CNTNAP2: variants seen among roughly 807,000 people sequenced by gnomAD.
CNTNAP2 encodes contactin associated protein 2.
A neutral mutation model predicts 155.2 loss-of-function variants in CNTNAP2; 98 were observed. The ratio of observed to expected loss-of-function variants is 0.63; its 90% confidence interval spans 0.54 to 0.75. CNTNAP2 has a LOEUF of 0.75. Among genes scored for constraint, CNTNAP2 ranks in the 30% least tolerant of loss-of-function variants. The pLI, the probability that CNTNAP2 is intolerant of heterozygous loss-of-function variation, is 0.00. For synonymous variants in CNTNAP2, 651 were observed against 631.2 expected (o/e 1.03, Z -0.47); for missense variants, 1,727 against 1,688.1 (o/e 1.02, Z -0.40).
At chr7:148,190,467 G>T (rs533330294) in intron 18 of CNTNAP2, 1 of 152,304 alleles carries the variant, frequency 6.6e-6, no homozygotes, top group East Asian at 1.9e-4. Flanking sequence ...TTTTCCAAAA[G>T]AACTTACTCT....
chr7:146,597,180 A>G (rs1240010773), intron 1 of CNTNAP2, among the ~76,000 whole-genome samples: 2 of 152,200 alleles, frequency 1.3e-5, no homozygotes, highest in African/African-American at 4.8e-5. Flanking sequence ...CTGGTCTTTT[A>G]TCATCATTAT....
chr7:147,611,716 T>C (rs898364138), intron 12 of CNTNAP2, among the ~76,000 whole-genome samples: 18 of 152,290 alleles, frequency 1.2e-4, no homozygotes, highest in Admixed American at 3.9e-4. Flanking sequence ...ATTTCCTCAG[T>C]GTTCCCTACA....
At chr7:147,422,529 A>T (rs139104142) in intron 10 of CNTNAP2, among the ~76,000 whole-genome samples, 2 of 152,080 alleles carry the variant, frequency 1.3e-5, no homozygotes, top group African/African-American at 4.8e-5. Flanking sequence ...AAATAAGCCT[A>T]TGCCTCATTC....
At chr7:146,724,561 CTTTTT>C (rs1000613503) in intron 1 of CNTNAP2, among the ~76,000 whole-genome samples, 10 of 65,622 alleles carry the variant, frequency 1.5e-4, no homozygotes, top group African/African-American at 4.8e-4. Context: ...TAAATCTAAA[CTTTTT>C]TTTTTTTTTT....
Position 148,218,936 on chromosome 7 carries a change from C to CTTTTTTT in CNTNAP2, c.3247+1430_3247+1436dup, listed in dbSNP as rs746349465. On this transcript the variant is annotated intron_variant, in intron 19 of 23. Transcript: ENST00000361727. Reference sequence around the variant, plus strand: ...TATACCTTAGAATTCTAAGATCACTCTTTTTTTTTTTTTTTTTTTTTTTTG... The same window carrying CTTTTTTT: ...TATACCTTAGAATTCTAAGATCACTCTTTTTTTTTTTTTTTTTTTTTTTTTTTTTTTG... 5.0e-4 allele frequency among the ~76,000 whole-genome samples: 37 copies of CTTTTTTT among 73,640 alleles called. 1 individual carries two copies. The highest frequency in any genetic ancestry group is 1.1e-3 in the African/African-American group (19 of 17,260). 48.3% of individuals were successfully genotyped at this position (73,640 alleles called of 152,430 possible).
intron 8 of CNTNAP2, among the ~76,000 whole-genome samples, chr7:147,257,632 C>T (rs141833751): frequency 6.6e-6 from 1 of 152,194 alleles, no homozygotes; most frequent in African/African-American, 2.4e-5. Context: ...TGGTATTTCT[C>T]CAATTCAAGT....
At chr7:148,369,284 C>T (rs1333684824) in intron 21 of CNTNAP2, among the ~76,000 whole-genome samples, 4 of 148,834 alleles carry the variant, frequency 2.7e-5, no homozygotes, top group East Asian at 2.0e-4. Flanking sequence ...CTGCAACCTC[C>T]GCCTCCCAGG....
chr7:147,812,893 A>C (rs1206085477), intron 13 of CNTNAP2, among the ~76,000 whole-genome samples: 2 of 152,166 alleles, frequency 1.3e-5, no homozygotes, highest in Non-Finnish European at 2.9e-5. Context: ...ATATATTAAT[A>C]ATACACACAT....
At chr7:146,760,855 C>G (rs1006442260) in intron 1 of CNTNAP2, among the ~76,000 whole-genome samples, 1 of 152,058 alleles carries the variant, frequency 6.6e-6, no homozygotes, top group African/African-American at 2.4e-5. Context: ...TATAACTACA[C>G]TCAATGAAGG....
At position 147,395,740 on chromosome 7, in the gene CNTNAP2, T is replaced by C. The variant is rs1796802004; in HGVS notation, c.1630T>C (p.Phe544Leu). ...YEVAQRKPGS[F>L]ANVSIDMCAI... ...AGTGGCACAAAGGAAGCCGGGAAGT[T>C]TCGCGAATGTCAGCATTGACATGTG... The change falls in exon 10 of 24, where the codon TTC (phenylalanine) becomes CTC (leucine). Residue 544 changes from phenylalanine to leucine, a missense_variant. Phe to Leu is a conservative substitution (Grantham distance 22). Transcript: ENST00000361727. The C allele has an allele frequency of 6.2e-7, 1 of 1,612,374 alleles. No individual in the cohort carries two copies. The highest frequency in any genetic ancestry group is 8.5e-7 in the Non-Finnish European group (1 of 1,178,838).
intron 3 of CNTNAP2, among the ~76,000 whole-genome samples, chr7:146,925,384 G>A (rs915220743): frequency 6.6e-6 from 1 of 151,834 alleles, no homozygotes; most frequent in African/African-American, 2.4e-5. Context: ...AGAAGAGCAA[G>A]GTGACAAAAA....
intron 1 of CNTNAP2, among the ~76,000 whole-genome samples, chr7:146,127,037 A>G (rs192970177): frequency 6.6e-6 from 1 of 152,266 alleles, no homozygotes; most frequent in Admixed American, 6.5e-5. Flanking sequence ...ATAGTACTGC[A>G]TTTCTCTAGT....
chr7:146,132,881 A>G (rs866271781), intron 1 of CNTNAP2, among the ~76,000 whole-genome samples: 1 of 149,144 alleles, frequency 6.7e-6, no homozygotes, highest in African/African-American at 2.5e-5. Context: ...ATACATGTGC[A>G]TGTGTCTTTA....
chr7:146,545,703 A>G (rs905761161), intron 1 of CNTNAP2, among the ~76,000 whole-genome samples: 1 of 151,970 alleles, frequency 6.6e-6, no homozygotes, highest in Non-Finnish European at 1.5e-5. Context: ...AAGGATGTGG[A>G]GAAATAGGAA....
At chr7:146,508,350 A>G (rs1240234131) in intron 1 of CNTNAP2, among the ~76,000 whole-genome samples, 1 of 152,224 alleles carries the variant, frequency 6.6e-6, no homozygotes, top group Non-Finnish European at 1.5e-5. Context: ...TGTGAAAAAT[A>G]TCTACCCTGG....
At chr7:146,138,895 A>G (rs1797836016) in intron 1 of CNTNAP2, among the ~76,000 whole-genome samples, 1 of 152,150 alleles carries the variant, frequency 6.6e-6, no homozygotes, top group South Asian at 2.1e-4. Context: ...ACATAACCAC[A>G]AACACTTATC....
At chr7:146,213,349 C>A (rs1799064947) in intron 1 of CNTNAP2, among the ~76,000 whole-genome samples, 1 of 152,126 alleles carries the variant, frequency 6.6e-6, no homozygotes, top group South Asian at 2.1e-4. Context: ...TGGTCTTCTG[C>A]AGCTGAGTTA....
intron 1 of CNTNAP2, among the ~76,000 whole-genome samples, chr7:146,284,421 C>T (rs1033115103): frequency 6.6e-6 from 1 of 151,214 alleles, no homozygotes; most frequent in Non-Finnish European, 1.5e-5. Flanking sequence ...TGCTGTTTTC[C>T]CCACTATATA....
chr7:147,676,031 A>AT (rs1795861007), intron 13 of CNTNAP2, among the ~76,000 whole-genome samples: 1 of 152,086 alleles, frequency 6.6e-6, no homozygotes, highest in South Asian at 2.1e-4. Flanking sequence ...TTGCCAATAA[A>AT]TGGCCATTGT....
Sources: allele counts gnomAD v4.1 joint callset (sites outside exome capture counted in the v4.1 genomes callset), GRCh38; gene constraint gnomAD v4.1.1; transcripts MANE v1.5; gene names NCBI Gene and HGNC (gene_info 2026-07-23, HGNC 2026-07-21).